GATAD1: variants seen among roughly 807,000 people sequenced by gnomAD.
GATAD1 encodes the protein GATA zinc finger domain-containing protein 1.
Under a neutral mutation model 26.5 loss-of-function variants are expected in GATAD1, and 12 were observed. The observed-to-expected ratio is 0.45, with a 90% CI of 0.29 to 0.73. GATAD1 has a LOEUF of 0.73. Among genes scored for constraint, GATAD1 ranks in the 30% least tolerant of loss-of-function variants. The probability of loss-of-function intolerance (pLI) is 0.10; values close to 1 mark genes in which losing one functional copy is unlikely to be tolerated. For synonymous variants in GATAD1, 129 were observed against 133.1 expected, an observed-to-expected ratio of 0.97 and a Z score of 0.21; for missense variants, 266 against 342.1, an observed-to-expected ratio of 0.78 and a Z score of 1.75.
rs964524950 is a variant in GATAD1, at chr7:92,449,573, T to A, written c.375+696T>A. 16 of 976,562 alleles carry A rather than the reference T, an allele frequency of 1.6e-5. No homozygotes were observed. The African/African-American group carries it at 2.6e-4, about 16-fold the overall frequency. 60.5% of individuals were successfully genotyped at this position (976,562 alleles called of 1,614,324 possible). ...ATATTCTTTTCTTTCAGAACAGGAATGTTTCACTTACCCGTAAAGACGTTT... is the reference window on the plus strand; with the variant it reads ...ATATTCTTTTCTTTCAGAACAGGAAAGTTTCACTTACCCGTAAAGACGTTT... On this transcript the variant is annotated intron_variant, in intron 2 of 4. Coordinates refer to ENST00000287957, the MANE Select transcript of GATAD1 (RefSeq NM_021167.5).
At position 92,447,620 on chromosome 7, in the gene GATAD1, C is replaced by G. The variant is rs560943972; in HGVS notation, c.-110C>G. 6 of 1,300,760 alleles carry G rather than the reference C, an allele frequency of 4.6e-6. No individual in the cohort carries two copies. The highest frequency in any genetic ancestry group is 5.9e-6 in the Non-Finnish European group (6 of 1,018,114). The allele number at this position is 1,300,760 out of a possible 1,614,324, so 80.6% of individuals were successfully genotyped here. ...TCACCGGCAGCTCCGTGCCGACGCT[C>G]TCACCGCTCTTCCTATCGCCGGGAG... On this transcript the variant is annotated 5_prime_UTR_variant, in exon 1 of 5. Transcript: ENST00000287957.
chr7:92,463,523 G>T (rs1017911862), downstream of GATAD1, among the ~76,000 whole-genome samples: 10 of 152,044 alleles, frequency 6.6e-5, no homozygotes, highest in African/African-American at 2.2e-4. Context: ...AATTAGCCGG[G>T]CATGGTGGCA....
At chr7:92,475,448 G>A in the GATAD1 span, 1 of 152,310 alleles carries the variant, frequency 6.6e-6, no homozygotes, top group African/African-American at 2.4e-5. Flanking sequence ...AATTAGTTAT[G>A]CTCACTGATG....
the GATAD1 span, chr7:92,469,894 C>G: frequency 2.6e-6 from 2 of 778,456 alleles, no homozygotes; most frequent in African/African-American, 3.4e-5. Flanking sequence ...GCTTACCAGG[C>G]GAGTATGGGT....
the GATAD1 span, among the ~76,000 whole-genome samples, chr7:92,492,629 T>C: frequency 1.3e-5 from 2 of 152,240 alleles, no homozygotes; most frequent in South Asian, 2.1e-4. Context: ...AAAGTTAAAG[T>C]ACAAACAAAC....
chr7:92,464,536 G>T (rs1169230316), downstream of GATAD1, among the ~76,000 whole-genome samples: 1 of 152,130 alleles, frequency 6.6e-6, no homozygotes, highest in Non-Finnish European at 1.5e-5. Context: ...CACAGTCAAG[G>T]CTCCCTTTCT....
chr7:92,475,722 C>T, the GATAD1 span, among the ~76,000 whole-genome samples: 1 of 152,200 alleles, frequency 6.6e-6, no homozygotes, highest in Admixed American at 6.5e-5. Flanking sequence ...TGGTCCTTTA[C>T]CAGCATGCCC....
chr7:92,481,511 G>A, the GATAD1 span, among the ~76,000 whole-genome samples: 3 of 152,172 alleles, frequency 2.0e-5, no homozygotes, highest in South Asian at 4.1e-4. Context: ...ACATGATGGC[G>A]AGCCTAAAAC....
At position 92,448,883 on chromosome 7, in the gene GATAD1, A is replaced by C. The variant is rs756983395; in HGVS notation, c.375+6A>C. 2.5e-6 allele frequency: 4 copies of C among 1,610,842 alleles called. No homozygotes were observed. Among genetic ancestry groups the C allele is most frequent in the Non-Finnish European group, 3.4e-6 (4 of 1,177,024 alleles). On this transcript the variant is annotated splice_donor_region_variant and intron_variant, in intron 2 of 4. Coordinates refer to ENST00000287957, the MANE Select transcript of GATAD1 (RefSeq NM_021167.5). ...ATATATTTAAATTGAAAAATGTAAG[A>C]TATTTGTGGACAGTGCCTTTTACTG...
chr7:92,494,705 A>AATCACTT, the GATAD1 span: 1 of 1,168,222 alleles, frequency 8.6e-7, no homozygotes, highest in Non-Finnish European at 1.2e-6. Flanking sequence ...ACATATATGA[A>AATCACTT]TGTATTTATT....
At chr7:92,491,072 T>C in the GATAD1 span, among the ~76,000 whole-genome samples, 1 of 152,220 alleles carries the variant, frequency 6.6e-6, no homozygotes, top group African/African-American at 2.4e-5. Flanking sequence ...CTTTGGTTCC[T>C]TGCTCCCAGC....
At chr7:92,469,013 C>G in the GATAD1 span, 2 of 737,770 alleles carry the variant, frequency 2.7e-6, no homozygotes, top group Non-Finnish European at 4.9e-6. Context: ...AATATTATAG[C>G]TGCTAGAGGT....
chr7:92,452,505 G>A (rs1040105573), intron 3 of GATAD1, among the ~76,000 whole-genome samples: 5 of 152,204 alleles, frequency 3.3e-5, no homozygotes, highest in Non-Finnish European at 7.3e-5. Context: ...CCAAGACCCA[G>A]AATGGCTGAG....
At chr7:92,476,346 G>T in the GATAD1 span, among the ~76,000 whole-genome samples, 17 of 152,104 alleles carry the variant, frequency 1.1e-4, no homozygotes. Context: ...TTGCGCTACC[G>T]ACTGAATGCA....
the GATAD1 span, among the ~76,000 whole-genome samples, chr7:92,467,000 C>A: frequency 6.6e-6 from 1 of 151,704 alleles, no homozygotes; most frequent in Non-Finnish European, 1.5e-5. Context: ...AAGGCTGATT[C>A]AGTTTTTAAA....
the GATAD1 span, chr7:92,468,826 G>A: frequency 1.0e-5 from 8 of 764,046 alleles, no homozygotes; most frequent in East Asian, 1.9e-4. Flanking sequence ...TTCCTCAGGA[G>A]GGGTGCCTTT....
At chr7:92,461,391 A>C (rs1483686686), downstream of GATAD1, 1 of 152,228 alleles carries the variant, frequency 6.6e-6, no homozygotes, top group Non-Finnish European at 1.5e-5. Flanking sequence ...GTGTTCAGCA[A>C]GCTCCAACAA....
At chr7:92,464,919 A>C (rs940445967), downstream of GATAD1, among the ~76,000 whole-genome samples, 2 of 152,216 alleles carry the variant, frequency 1.3e-5, no homozygotes, top group South Asian at 4.1e-4. Flanking sequence ...TTGTAAGCCG[A>C]ACATTTCTAG....
intron 2 of GATAD1, 180 bp downstream of exon 2, chr7:92,449,057 A>C (rs776487769): frequency 9.5e-7 from 1 of 1,057,614 alleles, no homozygotes; most frequent in South Asian, 2.1e-5. Flanking sequence ...CACTGTTTAT[A>C]AAGTTAATAA....
Sources: gnomAD v4.1 joint callset for allele counts (sites outside exome capture counted in the v4.1 genomes callset) on GRCh38, gnomAD v4.1.1 for gene constraint, MANE v1.5 for transcripts, NCBI Gene and HGNC (gene_info 2026-07-23, HGNC 2026-07-21) for gene names.